The following MAP2K6 variants were observed in gnomAD, a reference collection of about 807,000 sequenced individuals.
The protein encoded by MAP2K6 is dual specificity mitogen-activated protein kinase kinase 6.
Under a neutral mutation model 53.7 loss-of-function variants are expected in MAP2K6, and 16 were observed. That is an observed-to-expected ratio of 0.30 (90% CI 0.20 to 0.45). The LOEUF is 0.45. MAP2K6 is among the 20% of genes least tolerant of loss of function. The probability of loss-of-function intolerance (pLI) is 1.00; values close to 1 mark genes in which losing one functional copy is unlikely to be tolerated. For synonymous variants in MAP2K6, 132 were observed against 143.1 expected (o/e 0.92, Z 0.55); for missense variants, 204 against 411.9 (o/e 0.50, Z 4.37).
At chr17:69,461,658 G>A (rs1218474961) in intron 1 of MAP2K6, among the ~76,000 whole-genome samples, 2 of 152,016 alleles carry the variant, frequency 1.3e-5, no homozygotes, top group Admixed American at 6.6e-5. Flanking sequence ...TATCTCCAAG[G>A]CCCCCCAGGG....
At chr17:69,513,309 C>T (rs1381206225) in intron 2 of MAP2K6, among the ~76,000 whole-genome samples, 3 of 152,204 alleles carry the variant, frequency 2.0e-5, no homozygotes, top group Non-Finnish European at 2.9e-5. Flanking sequence ...CGATGGGAAT[C>T]GCAAGAGCAG....
At chr17:69,425,806 C>T (rs911132008) in intron 1 of MAP2K6, among the ~76,000 whole-genome samples, 2 of 152,024 alleles carry the variant, frequency 1.3e-5, no homozygotes, top group African/African-American at 2.4e-5. Flanking sequence ...TAGCTGTAAG[C>T]GTAGGGCTAG....
chr17:69,439,017 G>C (rs1174080524), intron 1 of MAP2K6, among the ~76,000 whole-genome samples: 1 of 152,190 alleles, frequency 6.6e-6, no homozygotes, highest in East Asian at 1.9e-4. Context: ...CTCTGTGTTT[G>C]TACTGCAATG....
At chr17:69,464,973 C>T (rs1021008772) in intron 1 of MAP2K6, among the ~76,000 whole-genome samples, 16 of 152,234 alleles carry the variant, frequency 1.1e-4, no homozygotes, top group East Asian at 9.6e-4. Flanking sequence ...CTCGGCCTCC[C>T]GAAGTGCTGG....
chr17:69,444,855 G>T (rs1353102266), intron 1 of MAP2K6, among the ~76,000 whole-genome samples: 3 of 152,192 alleles, frequency 2.0e-5, no homozygotes, highest in Non-Finnish European at 2.9e-5. Flanking sequence ...GTTGGCTGTT[G>T]CATACATGCC....
chr17:69,518,666 T>C (rs992691703), intron 4 of MAP2K6, among the ~76,000 whole-genome samples: 10 of 152,228 alleles, frequency 6.6e-5, no homozygotes, highest in African/African-American at 2.2e-4. Flanking sequence ...ACTTTTATCT[T>C]GTAGATTTTT....
At chr17:69,471,282 GTGGTTGAC>G (rs979471714) in intron 1 of MAP2K6, among the ~76,000 whole-genome samples, 1 of 152,152 alleles carries the variant, frequency 6.6e-6, no homozygotes, top group Non-Finnish European at 1.5e-5. Flanking sequence ...GCATCCATCA[GTGGTTGAC>G]TGGATAAAGA....
At chr17:69,531,722 C>T (rs989637401) in intron 10 of MAP2K6, among the ~76,000 whole-genome samples, 6 of 152,100 alleles carry the variant, frequency 3.9e-5, no homozygotes, top group Admixed American at 3.3e-4. Context: ...CCCTTCTTTT[C>T]TGTATTTATT....
chr17:69,447,304 C>T (rs11869348), intron 1 of MAP2K6, among the ~76,000 whole-genome samples: 56,787 of 151,380 alleles, frequency 0.38, 11,174 homozygotes, highest in Admixed American at 0.44. Context: ...ACATACAAAA[C>T]AGTTTCATGT....
chr17:69,426,383 A>G (rs1484025500), intron 1 of MAP2K6, among the ~76,000 whole-genome samples: 2 of 152,266 alleles, frequency 1.3e-5, no homozygotes, highest in African/African-American at 4.8e-5. Context: ...AAGGTCATAT[A>G]TGTAACATGC....
intron 6 of MAP2K6, chr17:69,520,595 A>G: frequency 1.9e-6 from 1 of 524,870 alleles, no homozygotes; most frequent in Non-Finnish European, 3.3e-6. Flanking sequence ...GGCAGACTCT[A>G]GGTTAAATGA....
At chr17:69,483,710 A>G (rs1908426090) in intron 1 of MAP2K6, among the ~76,000 whole-genome samples, 1 of 152,130 alleles carries the variant, frequency 6.6e-6, no homozygotes, top group African/African-American at 2.4e-5. Flanking sequence ...ACTGAAAGCT[A>G]CAGTAATCAA....
Position 69,466,871 on chromosome 17 carries a change from G to A in MAP2K6, c.17-38909G>A, listed in dbSNP as rs187206672. The stretch of plus-strand genomic sequence containing the variant: ...TAAATAGGCTTTTGTTGGGCTGATG[G>A]TGGAGGCTCCCCATTGAAATATTGT... On this transcript the variant is annotated intron_variant, in intron 1 of 11. Transcript: ENST00000590474. Among the ~76,000 whole-genome samples, 11 of 152,284 alleles carry A rather than the reference G, an allele frequency of 7.2e-5. No homozygotes were observed. In the East Asian group the frequency reaches 1.9e-3, roughly 27 times the overall value.
intron 1 of MAP2K6, among the ~76,000 whole-genome samples, chr17:69,493,602 A>C (rs1908835007): frequency 6.6e-6 from 1 of 152,136 alleles, no homozygotes; most frequent in African/African-American, 2.4e-5. Context: ...CTCTACTAAA[A>C]ATACAAAAAT....
At chr17:69,491,393 C>A (rs1401777245) in intron 1 of MAP2K6, among the ~76,000 whole-genome samples, 1 of 152,186 alleles carries the variant, frequency 6.6e-6, no homozygotes, top group Admixed American at 6.5e-5. Flanking sequence ...TTCTGCCCGC[C>A]TTGGCTTCCC....
At chr17:69,443,562 G>A (rs1906884045) in intron 1 of MAP2K6, among the ~76,000 whole-genome samples, 1 of 152,234 alleles carries the variant, frequency 6.6e-6, no homozygotes, top group African/African-American at 2.4e-5. Context: ...AAGAAAGAAA[G>A]ATGGGTAAGG....
intron 1 of MAP2K6, among the ~76,000 whole-genome samples, chr17:69,493,141 T>G (rs1414759869): frequency 6.6e-6 from 1 of 152,242 alleles, no homozygotes; most frequent in African/African-American, 2.4e-5. Context: ...TGTGTACAAT[T>G]CATTTGGAAA....
Position 69,541,746 on chromosome 17 carries a change from G to A in MAP2K6, c.998G>A (p.Gly333Glu). 6.2e-7 allele frequency: 1 copy of A among 1,611,912 alleles called. No homozygotes were observed. Among genetic ancestry groups the A allele is most frequent in the Non-Finnish European group, 8.5e-7 (1 of 1,178,586 alleles). The change falls in exon 12 of 12, where the codon GGA (glycine) becomes GAA (glutamate). Residue 333 changes from glycine (G) to glutamate (E), a missense_variant. By Grantham distance (98) the Gly-to-Glu change is moderately conservative. Around this residue, in one of 3 missense-constraint regions of MAP2K6, gnomAD observed 47 missense variants for 62.3 expected, o/e 0.75. Transcript: ENST00000590474. Reference sequence around the variant, plus strand: ...GCATCTTTTGTAAAACTGATTCTTGGAGACTAAAAAGCAGTGGACTTAATC... The same window carrying A: ...GCATCTTTTGTAAAACTGATTCTTGAAGACTAAAAAGCAGTGGACTTAATC... ...DVASFVKLIL[G>E]D
chr17:69,472,869 CTGTACTTT>C (rs534839876), intron 1 of MAP2K6, among the ~76,000 whole-genome samples: 184 of 152,144 alleles, frequency 1.2e-3, no homozygotes, highest in African/African-American at 4.3e-3. Flanking sequence ...CGTCTAATTT[CTGTACTTT>C]TGTATTTTCA....
Sources: gnomAD v4.1 joint callset for allele counts (sites outside exome capture counted in the v4.1 genomes callset) on GRCh38, gnomAD v4.1.1 for gene constraint, gnomAD v4.1.1 regional missense constraint, MANE v1.5 for transcripts, NCBI Gene and HGNC (gene_info 2026-07-23, HGNC 2026-07-21) for gene names.